The following RIPK4 variants were observed in gnomAD, a reference collection of about 807,000 sequenced individuals.
RIPK4 encodes the protein receptor-interacting serine/threonine-protein kinase 4.
Under a neutral mutation model 42.9 loss-of-function variants are expected in RIPK4, and 17 were observed. That is an observed-to-expected ratio of 0.40 (90% CI 0.27 to 0.59). The LOEUF (loss-of-function observed/expected upper bound fraction) is 0.59. RIPK4 is among the 20% of genes least tolerant of loss of function. The probability of loss-of-function intolerance (pLI) is 0.47; values close to 1 mark genes in which losing one functional copy is unlikely to be tolerated. For synonymous variants in RIPK4, 498 were observed against 499.1 expected (o/e 1.00, Z 0.03); for missense variants, 897 against 1,104.4 (o/e 0.81, Z 2.66).
At chr21:41,750,955 G>A in intron 3 of RIPK4, 142 bp downstream of exon 3, 1 of 1,028,902 alleles carries the variant, frequency 9.7e-7, no homozygotes, top group Non-Finnish European at 1.4e-6. Flanking sequence ...TGGGATTACA[G>A]GCGTGAGTCA....
Position 41,766,966 on chromosome 21 carries a change from C to T in RIPK4, c.76G>A (p.Glu26Lys). 1 of 1,606,762 alleles carries T rather than the reference C, an allele frequency of 6.2e-7. No individual in the cohort carries two copies. The highest frequency in any genetic ancestry group is 8.5e-7 in the Non-Finnish European group (1 of 1,177,410). Residue 26 changes from glutamate (E) to lysine (K), a missense_variant, in exon 1 of 8, where the codon GAG becomes AAG. Transcript: ENST00000332512. ...TFDAGEFTGW[E>K]KVGSGGFGQV... ...CCGAAGCCGCCCGAGCCCACCTTCT[C>T]CCAGCCCGTGAACTCGCCCGCGTCG...
rs1601681777 is a variant in RIPK4, at chr21:41,755,642, C to T, written c.474+883G>A. ...CCTGCATGAACTACATGGATCCGGA[C>T]CATGGCTCTCGGCTCCTTCTCACTC... On this transcript the variant is annotated intron_variant, in intron 2 of 7. Transcript: ENST00000332512. The surrounding 1 kb of genome is among the most constrained non-coding windows in gnomAD (Gnocchi z 4.2). Among the ~76,000 whole-genome samples the T allele has an allele frequency of 6.6e-6, 1 of 152,318 alleles. No individual in the cohort carries two copies. The highest frequency in any genetic ancestry group is 1.9e-4 in the East Asian group (1 of 5,180).
intron 1 of RIPK4, among the ~76,000 whole-genome samples, chr21:41,763,801 C>T (rs1212465898): frequency 6.6e-6 from 1 of 152,240 alleles, no homozygotes; most frequent in African/African-American, 2.4e-5. Context: ...CCAGCCAGGG[C>T]TGAATGTGGC....
In RIPK4 at chr21:41,756,653, C is replaced by T. The variant is rs756677999; in HGVS notation, c.346G>A (p.Asp116Asn). ...TCGTGGATGATTCGGAACCGGAGAT[C>T]CCATGGCAATGGCTCCGAAGCCAGC... ...KLLASEPLPWDLRFRIIHETA... is the reference protein window; with the variant it reads ...KLLASEPLPWNLRFRIIHETA... The change falls in exon 2 of 8, where the codon GAT (aspartate) becomes AAT (asparagine). Residue 116 changes from aspartate to asparagine, a missense_variant. Transcript: ENST00000332512. 2.5e-6 allele frequency: 4 copies of T among 1,614,150 alleles called. No individual in the cohort carries two copies. The highest frequency in any genetic ancestry group is 1.6e-4 in the Middle Eastern group (1 of 6,062).
intron 5 of RIPK4, 37 bp from the exon 6 acceptor site, chr21:41,745,899 T>C (rs1033495503): frequency 6.6e-7 from 1 of 1,513,016 alleles, no homozygotes. Context: ...ACTCGGATGA[T>C]GACTTCTGCG....
chr21:41,743,890 G>A lies in RIPK4; in HGVS notation c.1187C>T (p.Ser396Leu), dbSNP rs748601517. The A allele has an allele frequency of 1.2e-6, 2 of 1,600,180 alleles. No homozygotes were observed. Among genetic ancestry groups the A allele is most frequent in the East Asian group, 2.2e-5 (1 of 44,616 alleles). Residue 396 changes from serine (S) to leucine (L), a missense_variant, in exon 7 of 8, where the codon TCA becomes TTA. Physicochemically the swap from Ser to Leu is moderately radical, Grantham distance 145 (BLOSUM62 -2). Coordinates refer to ENST00000332512, the MANE Select transcript of RIPK4 (RefSeq NM_020639.3). ...GAGGCGTCCCCACTCACCGCTGGTTGAAGGTTCCCGCTCAAAGGACAGCGA... is the reference window on the plus strand; with the variant it reads ...GAGGCGTCCCCACTCACCGCTGGTTAAAGGTTCCCGCTCAAAGGACAGCGA... The part of the protein sequence containing the change: ...SLSLSFEREP[S>L]TSDLGTTDVQ...
At chr21:41,758,708 G>A (rs1433001236) in intron 1 of RIPK4, among the ~76,000 whole-genome samples, 1 of 152,242 alleles carries the variant, frequency 6.6e-6, no homozygotes, top group Non-Finnish European at 1.5e-5. Flanking sequence ...TTTAAACACT[G>A]GCTGTGGCTG....
intron 1 of RIPK4, among the ~76,000 whole-genome samples, chr21:41,764,019 C>T (rs543956524): frequency 2.4e-4 from 37 of 152,302 alleles, no homozygotes; most frequent in African/African-American, 8.2e-4. Flanking sequence ...CCAAAGCCAC[C>T]CCACAGGACC....
In RIPK4 at chr21:41,751,131, T is replaced by C. The variant is rs146956422; in HGVS notation, c.589A>G (p.Ser197Gly). ...YLPPERIREK[S>G]RLFDTKHDVY... ...TCGTGCTTGGTGTCGAAGAGCCGGCTCTTCTCCCTGATGCGCTCTGGAGGG... is the reference window on the plus strand; with the variant it reads ...TCGTGCTTGGTGTCGAAGAGCCGGCCCTTCTCCCTGATGCGCTCTGGAGGG... The change falls in exon 3 of 8, where the codon AGC becomes GGC. Residue 197 changes from serine to glycine, a missense_variant. By Grantham distance (56) the Ser-to-Gly change is moderately conservative. Transcript: ENST00000332512. The surrounding 1 kb of genome is among the most constrained non-coding windows in gnomAD (Gnocchi z 4.5). The C allele has an allele frequency of 1.9e-4, 304 of 1,614,040 alleles. 1 individual carries two copies. Among genetic ancestry groups the C allele is most frequent in the South Asian group, 1.1e-3 (103 of 91,090 alleles).
chr21:41,749,994 C>T (rs1053627383), intron 3 of RIPK4, among the ~76,000 whole-genome samples: 20 of 151,942 alleles, frequency 1.3e-4, no homozygotes, highest in Non-Finnish European at 2.2e-4. Context: ...AATTCACCAT[C>T]GAAAATTAGT....
intron 1 of RIPK4, among the ~76,000 whole-genome samples, chr21:41,759,104 G>T (rs1302803173): frequency 6.6e-6 from 1 of 152,008 alleles, no homozygotes; most frequent in Non-Finnish European, 1.5e-5. Flanking sequence ...TTTTTTGTTT[G>T]TTTTTCTTTT....
rs1248813201 is a variant in RIPK4, at chr21:41,766,867, C to T, written c.175G>A (p.Asp59Asn). ...CCCGCCCGGGCCGCTCACCTGTCGT[C>T]GACGTGCAGGCTGGGCGAGCACTTG... ...AIKCSPSLHVDDRERMELLEE... is the reference protein window; with the variant it reads ...AIKCSPSLHVNDRERMELLEE... The change falls in exon 1 of 8, where the codon GAC (aspartate) becomes AAC (asparagine). Residue 59 changes from aspartate to asparagine, a missense_variant. Asp to Asn is a conservative substitution (Grantham distance 23). Coordinates refer to ENST00000332512, the MANE Select transcript of RIPK4 (RefSeq NM_020639.3). The T allele has an allele frequency of 6.2e-7, 1 of 1,608,750 alleles. No individual in the cohort carries two copies. The highest frequency in any genetic ancestry group is 8.5e-7 in the Non-Finnish European group (1 of 1,178,032).
chr21:41,760,507 A>C (rs184476864), intron 1 of RIPK4, among the ~76,000 whole-genome samples: 1 of 152,370 alleles, frequency 6.6e-6, no homozygotes, highest in African/African-American at 2.4e-5. Flanking sequence ...GGGAAGGCTG[A>C]GACCTGCGCA....
intron 1 of RIPK4, among the ~76,000 whole-genome samples, chr21:41,758,076 A>AGAG (rs2061210622): frequency 7.2e-6 from 1 of 139,094 alleles, no homozygotes; most frequent in Non-Finnish European, 1.5e-5. Context: ...AGAGAGAGAG[A>AGAG]AAATGTAGTC....
intron 1 of RIPK4, among the ~76,000 whole-genome samples, chr21:41,762,321 G>A (rs1385732086): frequency 6.6e-6 from 1 of 152,216 alleles, no homozygotes; most frequent in Non-Finnish European, 1.5e-5. Flanking sequence ...CCAGGAGTGG[G>A]GGTGGGGCGG....
At chr21:41,744,315 G>A (rs553336820) in intron 6 of RIPK4, among the ~76,000 whole-genome samples, 175 bp from the exon 7 acceptor site, 1 of 152,064 alleles carries the variant, frequency 6.6e-6, no homozygotes, top group African/African-American at 2.4e-5. Flanking sequence ...ACCCCGCATC[G>A]GCACAGCACT....
intron 2 of RIPK4, among the ~76,000 whole-genome samples, chr21:41,752,271 C>T (rs1164026405): frequency 2.0e-5 from 3 of 152,206 alleles, no homozygotes; most frequent in African/African-American, 7.2e-5. Context: ...CTCAAACACA[C>T]CCATGGAGTG....
intron 4 of RIPK4, 64 bp downstream of exon 4, chr21:41,749,090 A>T: frequency 6.5e-7 from 1 of 1,530,806 alleles, no homozygotes; most frequent in Non-Finnish European, 9.0e-7. Flanking sequence ...AAAGGACAAC[A>T]AGGTGTCCCC....
rs778676489 is a variant in RIPK4 at position 41,744,055 on chromosome 21, G to A, written c.1022C>T (p.Ser341Phe). The change falls in exon 7 of 8, where the codon TCT becomes TTT. Residue 341 changes from serine to phenylalanine, a missense_variant. Transcript: ENST00000332512. ...GCCCTCGACAGCCTGGGAAACTCCA[G>A]AGTCCAGCTGTGAGAGCAGCTCGGA... ...SLSELLSQLD[S>F]GVSQAVEGPE... The A allele has an allele frequency of 6.2e-7, 1 of 1,613,012 alleles. No individual in the cohort carries two copies. Among genetic ancestry groups the A allele is most frequent in the South Asian group, 1.1e-5 (1 of 91,038 alleles).
Sources: gnomAD v4.1 joint callset for allele counts (sites outside exome capture counted in the v4.1 genomes callset) on GRCh38, gnomAD v4.1.1 for gene constraint, Gnocchi (gnomAD v3.1) non-coding constraint, MANE v1.5 for transcripts, NCBI Gene and HGNC (gene_info 2026-07-23, HGNC 2026-07-21) for gene names.